KCNIP4: variants seen among roughly 807,000 people sequenced by gnomAD.
KCNIP4 encodes Kv channel-interacting protein 4.
In KCNIP4, 12 loss-of-function variants were observed where a neutral mutation model predicts 34.0. The ratio of observed to expected loss-of-function variants is 0.35; its 90% CI spans 0.23 to 0.57. The LOEUF is 0.57. Among genes scored for constraint, KCNIP4 ranks in the 20% least tolerant of loss-of-function variants. The pLI is 0.83. For missense variants in KCNIP4, 238 were observed against 311.7 expected, an observed-to-expected ratio of 0.76 and a Z score of 1.78; for synonymous variants, 124 against 102.2, an observed-to-expected ratio of 1.21 and a Z score of -1.29.
chr4:21,019,819 A>G (rs1296857183), intron 1 of KCNIP4, among the ~76,000 whole-genome samples: 4 of 152,204 alleles, frequency 2.6e-5, no homozygotes, highest in African/African-American at 9.6e-5. Flanking sequence ...TATGTCTCAC[A>G]GCTATATAAA....
chr4:20,972,406 GA>G (rs34954188), intron 1 of KCNIP4, among the ~76,000 whole-genome samples: 24,415 of 152,148 alleles, frequency 0.16, 2,149 homozygotes, highest in African/African-American at 0.23. Flanking sequence ...AGGGGCTGAA[GA>G]ATGGATGTTG....
Position 21,497,025 on chromosome 4 carries a change from A to T in KCNIP4, c.61+451546T>A, listed in dbSNP as rs532539209. 2.6e-5 allele frequency among the ~76,000 whole-genome samples: 4 copies of T among 152,246 alleles called. No homozygotes were observed. In the South Asian group the frequency reaches 8.3e-4, roughly 32 times the overall value. On this transcript the variant is annotated intron_variant, in intron 1 of 8. Coordinates refer to ENST00000382152, the MANE Select transcript of KCNIP4 (RefSeq NM_025221.6). ...ATGTGGAGGGGGTCACCTCTCCTCT[A>T]TCTAAAGTAGATTAGTTGGATTTCA...
chr4:21,646,029 A>G (rs965326630), intron 1 of KCNIP4, among the ~76,000 whole-genome samples: 3 of 152,196 alleles, frequency 2.0e-5, no homozygotes, highest in African/African-American at 7.2e-5. Flanking sequence ...TCCTCCATGA[A>G]TCCTTTTCTG....
chr4:21,460,370 G>A (rs900013291), intron 1 of KCNIP4, among the ~76,000 whole-genome samples: 3 of 151,918 alleles, frequency 2.0e-5, no homozygotes, highest in African/African-American at 7.3e-5. Context: ...CTCCACATTT[G>A]CTTGTCTCCA....
chr4:20,777,428 G>T (rs1355207587), intron 3 of KCNIP4, among the ~76,000 whole-genome samples: 1 of 152,164 alleles, frequency 6.6e-6, no homozygotes, highest in South Asian at 2.1e-4. Flanking sequence ...TGTATCAGGA[G>T]GTGATTAGGT....
chr4:21,351,860 A>C (rs1367168614), intron 1 of KCNIP4, among the ~76,000 whole-genome samples: 2 of 152,140 alleles, frequency 1.3e-5, no homozygotes, highest in Admixed American at 1.3e-4. Flanking sequence ...CATGGAGAAA[A>C]TTAATTTCTT....
chr4:21,695,995 G>A (rs898408551), intron 1 of KCNIP4, among the ~76,000 whole-genome samples: 11 of 152,040 alleles, frequency 7.2e-5, no homozygotes, highest in Non-Finnish European at 2.9e-5. Flanking sequence ...GACTGCGTGA[G>A]AAACACCACA....
intron 1 of KCNIP4, among the ~76,000 whole-genome samples, chr4:21,818,285 C>T (rs966328086): frequency 6.6e-6 from 1 of 152,202 alleles, no homozygotes; most frequent in African/African-American, 2.4e-5. Context: ...GCTTCTCACT[C>T]AAAAAGCATC....
At chr4:20,791,458 T>A (rs182954614) in intron 3 of KCNIP4, among the ~76,000 whole-genome samples, 178 of 152,284 alleles carry the variant, frequency 1.2e-3, no homozygotes, top group African/African-American at 3.9e-3. Context: ...AAAATAATGA[T>A]GATTTGAGTT....
intron 1 of KCNIP4, among the ~76,000 whole-genome samples, chr4:21,372,731 C>G: frequency 6.9e-6 from 1 of 145,836 alleles, no homozygotes. Flanking sequence ...TCCTTTAATC[C>G]AAAATTACTA....
chr4:21,212,787 C>T (rs1757312006), intron 1 of KCNIP4, among the ~76,000 whole-genome samples: 1 of 152,134 alleles, frequency 6.6e-6, no homozygotes, highest in Non-Finnish European at 1.5e-5. Flanking sequence ...CTGATCATCT[C>T]CCAAAGTCTC....
intron 1 of KCNIP4, among the ~76,000 whole-genome samples, chr4:21,683,121 C>T (rs1750513514): frequency 6.6e-6 from 1 of 152,178 alleles, no homozygotes; most frequent in Admixed American, 6.6e-5. Context: ...GTTTTATATT[C>T]TCCACTAAAT....
intron 1 of KCNIP4, among the ~76,000 whole-genome samples, chr4:20,912,200 T>C (rs956843796): frequency 6.6e-6 from 1 of 152,194 alleles, no homozygotes; most frequent in Non-Finnish European, 1.5e-5. Flanking sequence ...TTAACAGATA[T>C]GTTTTTAAAA....
intron 1 of KCNIP4, among the ~76,000 whole-genome samples, chr4:21,830,097 A>T (rs1722890932): frequency 6.6e-6 from 1 of 152,180 alleles, no homozygotes; most frequent in Non-Finnish European, 1.5e-5. Context: ...CCTACCTACC[A>T]CAGACTCACT....
intron 1 of KCNIP4, among the ~76,000 whole-genome samples, chr4:20,900,781 T>C (rs189373257): frequency 6.6e-6 from 1 of 152,116 alleles, no homozygotes; most frequent in African/African-American, 2.4e-5. Flanking sequence ...GAAAACAGTG[T>C]TGTTAAAACA....
intron 1 of KCNIP4, among the ~76,000 whole-genome samples, chr4:21,183,474 T>C (rs544841522): frequency 3.1e-5 from 4 of 130,906 alleles, no homozygotes; most frequent in East Asian, 1.9e-4. Context: ...TTTTTGTTTT[T>C]TTTTTTTTTG....
At chr4:21,066,188 C>G (rs547337448) in intron 1 of KCNIP4, among the ~76,000 whole-genome samples, 1 of 152,242 alleles carries the variant, frequency 6.6e-6, no homozygotes, top group East Asian at 1.9e-4. Context: ...GTGGGCAGCT[C>G]TGATGGCTCC....
intron 1 of KCNIP4, chr4:21,697,431 C>T: frequency 6.4e-7 from 1 of 1,563,164 alleles, no homozygotes; most frequent in Non-Finnish European, 8.6e-7. Context: ...TTTCTACAGC[C>T]ACTCATCTTA....
chr4:21,546,292 A>G (rs1443622626), intron 1 of KCNIP4, among the ~76,000 whole-genome samples: 1 of 152,112 alleles, frequency 6.6e-6, no homozygotes, highest in African/African-American at 2.4e-5. Flanking sequence ...AATTCTTAGA[A>G]TTCTCACAGA....
Sources: gnomAD v4.1 joint callset for allele counts (sites outside exome capture counted in the v4.1 genomes callset) on GRCh38, gnomAD v4.1.1 for gene constraint, MANE v1.5 for transcripts, NCBI Gene and HGNC (gene_info 2026-07-23, HGNC 2026-07-21) for gene names.